The following HCN1 variants were observed in gnomAD, a reference collection of about 807,000 sequenced individuals.
HCN1 encodes the protein hyperpolarization activated cyclic nucleotide gated potassium channel 1, also known as potassium/sodium hyperpolarization-activated cyclic nucleotide-gated channel 1.
A neutral mutation model predicts 78.9 loss-of-function variants in HCN1; 13 were observed. The ratio of observed to expected loss-of-function variants is 0.16; its 90% CI spans 0.11 to 0.26. The LOEUF is 0.26. Ranked by LOEUF, HCN1 falls within the 10% of genes least tolerant of loss-of-function variation. The pLI, the probability that HCN1 is intolerant of heterozygous loss-of-function variation, is 1.00. For synonymous variants in HCN1, 552 were observed against 455.5 expected, an observed-to-expected ratio of 1.21 and a Z score of -2.70; for missense variants, 810 against 1,154.3, an observed-to-expected ratio of 0.70 and a Z score of 4.32.
chr5:45,573,074 T>G (rs578177053), intron 2 of HCN1, among the ~76,000 whole-genome samples: 2 of 152,280 alleles, frequency 1.3e-5, no homozygotes, highest in African/African-American at 4.8e-5. Context: ...GCTTGGAAGG[T>G]TGATGATAGA....
intron 2 of HCN1, among the ~76,000 whole-genome samples, chr5:45,582,891 G>C (rs1458019839): frequency 1.3e-5 from 2 of 152,122 alleles, no homozygotes; most frequent in Non-Finnish European, 2.9e-5. Flanking sequence ...TGGTGGATAA[G>C]CTTTTTGATG....
chr5:45,280,253 C>T (rs1159198171), intron 6 of HCN1, among the ~76,000 whole-genome samples: 1 of 152,080 alleles, frequency 6.6e-6, no homozygotes, highest in Non-Finnish European at 1.5e-5. Context: ...GCAGAAACTC[C>T]TAGACAGAAA....
Position 45,262,394 on chromosome 5 carries a change from G to T in HCN1, c.2200C>A (p.Pro734Thr). ...TGGGACTGCTGTACCTGCTGCTGCG[G>T]CTGCTGTTGCATGAGTGACAGCTGG... ...ASQLSLMQQQ[P>T]QQQVQQSQPP... is the part of the protein sequence containing the mutation. Residue 734 changes from proline (P) to threonine (T), a missense_variant, in exon 8 of 8, where the codon CCG becomes ACG. Physicochemically the swap from Pro to Thr is conservative, Grantham distance 38. Around this residue, in one of 6 missense-constraint regions of HCN1, gnomAD observed 398 missense variants for 381.3 expected, o/e 1.04. Coordinates refer to ENST00000303230, the MANE Select transcript of HCN1 (RefSeq NM_021072.4). 1 of 1,611,616 alleles carries T rather than the reference G, an allele frequency of 6.2e-7. No individual in the cohort carries two copies. The highest frequency in any genetic ancestry group is 1.7e-4 in the Middle Eastern group (1 of 6,048).
At chr5:45,443,084 A>G (rs1234857807) in intron 3 of HCN1, among the ~76,000 whole-genome samples, 1 of 152,056 alleles carries the variant, frequency 6.6e-6, no homozygotes, top group Non-Finnish European at 1.5e-5. Context: ...AAGTTGGTGT[A>G]AGATTTTTCT....
In HCN1 at chr5:45,257,209, C is replaced by G. The variant is rs1744633178; in HGVS notation, c.*4712G>C. The G allele has an allele frequency of 6.6e-6, 1 of 152,196 alleles. No individual in the cohort carries two copies. The highest frequency in any genetic ancestry group is 2.4e-5 in the African/African-American group (1 of 41,462). 9.4% of individuals were successfully genotyped at this position (152,196 alleles called of 1,614,324 possible). ...TAAATTAAGAATATAAAGTACAACA[C>G]TGTAAAACCTTTGCCCTGATGTTAA... On this transcript the variant is annotated 3_prime_UTR_variant, in exon 8 of 8. Transcript: ENST00000303230.
intron 2 of HCN1, among the ~76,000 whole-genome samples, chr5:45,564,720 A>G (rs915285699): frequency 3.3e-5 from 5 of 152,204 alleles, no homozygotes; most frequent in Non-Finnish European, 4.4e-5. Context: ...TGATATTAAC[A>G]TAAGCTTTCC....
At chr5:45,450,191 G>A (rs914409318) in intron 3 of HCN1, among the ~76,000 whole-genome samples, 1 of 152,140 alleles carries the variant, frequency 6.6e-6, no homozygotes, top group African/African-American at 2.4e-5. Flanking sequence ...GTTTTGATAA[G>A]CTTCATATTA....
At chr5:45,666,781 A>T (rs1402326846) in intron 1 of HCN1, among the ~76,000 whole-genome samples, 1 of 152,076 alleles carries the variant, frequency 6.6e-6, no homozygotes, top group Non-Finnish European at 1.5e-5. Flanking sequence ...ATGAGTGGAT[A>T]AATACCACAG....
chr5:45,611,269 C>CTT lies in HCN1; in HGVS notation c.849+33914_849+33915dup, dbSNP rs1054830050. Among the ~76,000 whole-genome samples, 165 of 113,734 alleles carry CTT rather than the reference C, an allele frequency of 1.5e-3. 1 individual carries two copies. The highest frequency in any genetic ancestry group is 2.4e-3 in the Non-Finnish European group (127 of 53,160). 74.6% of individuals were successfully genotyped at this position (113,734 alleles called of 152,430 possible). On this transcript the variant is annotated intron_variant, in intron 2 of 7. Transcript: ENST00000303230. ...ATTTTTCTTTTTTTTTTATCTTTTT[C>CTT]TTTTTTTTTTTTTTTTTTTTGAGAC...
intron 2 of HCN1, among the ~76,000 whole-genome samples, chr5:45,603,739 G>T (rs565936019): frequency 1.3e-5 from 2 of 152,070 alleles, no homozygotes; most frequent in South Asian, 2.1e-4. Context: ...AACACAAAAT[G>T]AAACTTTGCC....
At chr5:45,511,382 T>G (rs566267871) in intron 2 of HCN1, among the ~76,000 whole-genome samples, 9 of 152,122 alleles carry the variant, frequency 5.9e-5, no homozygotes, top group African/African-American at 1.7e-4. Flanking sequence ...TGTAGTGACT[T>G]CCTTCCAAGA....
chr5:45,298,774 A>G (rs1036778811), intron 6 of HCN1, among the ~76,000 whole-genome samples: 1 of 152,006 alleles, frequency 6.6e-6, no homozygotes, highest in Non-Finnish European at 1.5e-5. Flanking sequence ...TGGGCTGTGC[A>G]TGGTGACTAC....
At chr5:45,348,484 T>C (rs186774059) in intron 5 of HCN1, among the ~76,000 whole-genome samples, 2 of 152,110 alleles carry the variant, frequency 1.3e-5, no homozygotes. Flanking sequence ...CCAGCTAACA[T>C]CATAATGACA....
At chr5:45,635,165 T>C (rs891541387) in intron 2 of HCN1, among the ~76,000 whole-genome samples, 1 of 152,110 alleles carries the variant, frequency 6.6e-6, no homozygotes, top group African/African-American at 2.4e-5. Flanking sequence ...TTATATCTTA[T>C]ATAAATATGC....
chr5:45,625,819 CA>C (rs749393444), intron 2 of HCN1, among the ~76,000 whole-genome samples: 207 of 141,446 alleles, frequency 1.5e-3, no homozygotes, highest in Middle Eastern at 3.6e-3. Flanking sequence ...AAACCAAAAC[CA>C]AAAAAAAAAA....
In HCN1 at chr5:45,344,125, T is replaced by C. The variant is rs540369207; in HGVS notation, c.1377+8975A>G. On this transcript the variant is annotated intron_variant, in intron 5 of 7. Coordinates refer to ENST00000303230, the MANE Select transcript of HCN1 (RefSeq NM_021072.4). ...AGCAAACATGTCCTTCTTCACAAGA[T>C]GGCAGCAAGGAGAAGTGATGAGCAA... is the stretch of plus-strand genomic sequence containing the variant. 1.4e-4 allele frequency among the ~76,000 whole-genome samples: 22 copies of C among 152,256 alleles called. No homozygotes were observed. The South Asian group carries it at 4.2e-3, about 29-fold the overall frequency.
chr5:45,447,552 TTAA>T (rs1399453580), intron 3 of HCN1, among the ~76,000 whole-genome samples: 1 of 152,194 alleles, frequency 6.6e-6, no homozygotes, highest in Non-Finnish European at 1.5e-5. Flanking sequence ...CAGGTTATTA[TTAA>T]TATGTTGAAA....
intron 2 of HCN1, among the ~76,000 whole-genome samples, chr5:45,514,925 T>G (rs1329883615): frequency 6.6e-6 from 1 of 152,054 alleles, no homozygotes; most frequent in Non-Finnish European, 1.5e-5. Flanking sequence ...TTCTGGAAAT[T>G]TCAATCCTTC....
At chr5:45,497,411 C>T (rs966109486) in intron 2 of HCN1, among the ~76,000 whole-genome samples, 1 of 152,124 alleles carries the variant, frequency 6.6e-6, no homozygotes. Flanking sequence ...ATATATTTAG[C>T]ATAGTTAGCT....
Sources: gnomAD v4.1 joint callset for allele counts (sites outside exome capture counted in the v4.1 genomes callset) on GRCh38, gnomAD v4.1.1 for gene constraint, gnomAD v4.1.1 regional missense constraint, MANE v1.5 for transcripts, NCBI Gene and HGNC (gene_info 2026-07-23, HGNC 2026-07-21) for gene names.